The following SEMA6B variants were observed in gnomAD, a reference collection of about 807,000 sequenced individuals.
The protein encoded by SEMA6B is semaphorin-6B.
A neutral mutation model predicts 78.6 loss-of-function variants in SEMA6B; 47 were observed. That is an observed-to-expected ratio of 0.60 (90% CI 0.47 to 0.76). SEMA6B has a LOEUF of 0.76. Ranked by LOEUF, SEMA6B falls within the 30% of genes least tolerant of loss-of-function variation. The pLI is 0.00. For synonymous variants in SEMA6B, 632 were observed against 592.2 expected, an observed-to-expected ratio of 1.07 and a Z score of -0.98; for missense variants, 1,213 against 1,269.9, an observed-to-expected ratio of 0.96 and a Z score of 0.68.
Position 4,558,047 on chromosome 19 carries a change from C to G in SEMA6B, c.224G>C (p.Arg75Thr). 6.6e-7 allele frequency: 1 copy of G among 1,505,396 alleles called. No homozygotes were observed. Among genetic ancestry groups the G allele is most frequent in the Non-Finnish European group, 9.0e-7 (1 of 1,116,640 alleles). The allele number at this position is 1,505,396 out of a possible 1,614,324, so 93.3% of individuals were successfully genotyped here. The change falls in exon 3 of 17, where the codon AGG becomes ACG. Residue 75 changes from arginine to threonine, a missense_variant. Physicochemically the swap from Arg to Thr is moderately conservative, Grantham distance 71. Transcript: ENST00000586582. The surrounding 1 kb of genome is among the most constrained non-coding windows in gnomAD (Gnocchi z 5.1). Reference protein sequence around the residue: ...LNIQRVLRVNRTLFIGDRDNL... With the variant: ...LNIQRVLRVNTTLFIGDRDNL... ...ATACCTGTCCCCAATGAACAGCGTC[C>G]TGTTGACCCGCAGGACTCGCTGGAT...
rs1268443757 is a variant in SEMA6B, at chr19:4,558,401, TAGC to T, written c.54_56del (p.Leu20del). Reference sequence around the variant, plus strand: ...GAAAGAGGCCGTGGGCGCCCCCCAGTAGCAGCAGCAGAAGCAGCAGGGCCGGGC... The same window carrying T: ...GAAAGAGGCCGTGGGCGCCCCCCAGTAGCAGCAGAAGCAGCAGGGCCGGGC... On this transcript the variant is annotated inframe_deletion, in exon 2 of 17. Transcript: ENST00000586582. This position sits in a 1 kb window ranked among gnomAD's most constrained non-coding sequence, Gnocchi z 5.1. 7.9e-7 allele frequency: 1 copy of T among 1,271,912 alleles called. No individual in the cohort carries two copies. Among genetic ancestry groups the T allele is most frequent in the Non-Finnish European group, 1.0e-6 (1 of 1,001,192 alleles). The allele number at this position is 1,271,912 out of a possible 1,614,324, so 78.8% of individuals were successfully genotyped here. A position where few individuals can be genotyped will look rare whatever the true frequency, so the allele number is the denominator to read the frequency against.
Position 4,558,593 on chromosome 19 carries a change from TCA to T in SEMA6B, c.-32-106_-32-105del. The T allele has an allele frequency of 1.8e-6, 1 of 553,162 alleles. No homozygotes were observed. The highest frequency in any genetic ancestry group is 2.7e-6 in the Non-Finnish European group (1 of 368,232). 34.3% of individuals were successfully genotyped at this position (553,162 alleles called of 1,614,324 possible). On this transcript the variant is annotated intron_variant, in intron 1 of 16. Transcript: ENST00000586582. The surrounding 1 kb of genome is among the most constrained non-coding windows in gnomAD (Gnocchi z 5.1). ...CTCCTTCAAATCCCAGAAAAATTCC[TCA>T]CGGGGATAATAATTAATAAAAACAA...
Position 4,542,770 on chromosome 19 carries a change from G to C in SEMA6B, c.*831C>G. The stretch of plus-strand genomic sequence containing the variant: ...CCACCCTGGGGCCGTATTTACAGAG[G>C]GGCCCCACCCACCTTCGCCGCCCCC... On this transcript the variant is annotated 3_prime_UTR_variant, in exon 17 of 17. Transcript: ENST00000586582. 1 of 700,622 alleles carries C rather than the reference G, an allele frequency of 1.4e-6. No individual in the cohort carries two copies. Among genetic ancestry groups the C allele is most frequent in the Middle Eastern group, 2.5e-4 (1 of 4,044 alleles). The allele number at this position is 700,622 out of a possible 1,614,324, so 43.4% of individuals were successfully genotyped here. A position where few individuals can be genotyped will look rare whatever the true frequency, so the allele number is the denominator to read the frequency against.
At chr19:4,553,412 TA>T (rs1977384062) in intron 9 of SEMA6B, among the ~76,000 whole-genome samples, 3 of 136,718 alleles carry the variant, frequency 2.2e-5, no homozygotes, top group East Asian at 4.6e-4. Context: ...GATGGATGGA[TA>T]GGTGAGTTGG....
Position 4,543,617 on chromosome 19 carries a change from G to A in SEMA6B, c.2651C>T (p.Ala884Val). 2 of 1,233,972 alleles carry A rather than the reference G, an allele frequency of 1.6e-6. No homozygotes were observed. Among genetic ancestry groups the A allele is most frequent in the Non-Finnish European group, 2.0e-6 (2 of 988,402 alleles). 76.4% of individuals were successfully genotyped at this position (1,233,972 alleles called of 1,614,324 possible). ...GCCCCCGGCCTAGGGCACGGGGGGC[G>A]CAGTCCTGTCCGCCCCCCCATAGGG... ...LLPYGGADRT[A>V]PPVP is the part of the protein sequence containing the mutation. The change falls in exon 17 of 17, where the codon GCG becomes GTG. Residue 884 changes from alanine to valine, a missense_variant. Transcript: ENST00000586582.
chr19:4,544,900 G>C lies in SEMA6B; in HGVS notation c.1739-371C>G, dbSNP rs1977125666. 6.6e-6 allele frequency among the ~76,000 whole-genome samples: 1 copy of C among 151,932 alleles called. No individual in the cohort carries two copies. Among genetic ancestry groups the C allele is most frequent in the African/African-American group, 2.4e-5 (1 of 41,396 alleles). On this transcript the variant is annotated intron_variant, in intron 16 of 16. Coordinates refer to ENST00000586582, the MANE Select transcript of SEMA6B (RefSeq NM_032108.4). The surrounding 1 kb of genome is among the most constrained non-coding windows in gnomAD (Gnocchi z 5.1). ...GCCCACCTCTGCCTCCCAAAGTGCTGGGATTACAGGCATAAGCCACCACGA... is the reference window on the plus strand; with the variant it reads ...GCCCACCTCTGCCTCCCAAAGTGCTCGGATTACAGGCATAAGCCACCACGA...
At chr19:4,557,139 C>A in intron 4 of SEMA6B, 24 bp downstream of exon 4, 1 of 1,606,468 alleles carries the variant, frequency 6.2e-7, no homozygotes, top group Non-Finnish European at 8.5e-7. Context: ...TACCCCTCCA[C>A]TCCCACCTGC....
intron 10 of SEMA6B, among the ~76,000 whole-genome samples, chr19:4,551,344 C>T (rs1198668951): frequency 4.6e-5 from 7 of 151,542 alleles, no homozygotes; most frequent in African/African-American, 9.7e-5. Context: ...CTCAGTCTCC[C>T]GAGTAGCTGG....
intron 14 of SEMA6B, among the ~76,000 whole-genome samples, chr19:4,546,749 C>T (rs956905000): frequency 5.3e-5 from 8 of 150,942 alleles, no homozygotes; most frequent in Non-Finnish European, 7.4e-5. Flanking sequence ...CTCAGCCCCC[C>T]GAGTAGCTGG....
chr19:4,556,829 G>T (rs1293637891), intron 5 of SEMA6B, 122 bp downstream of exon 5: 13 of 875,838 alleles, frequency 1.5e-5, no homozygotes, highest in Non-Finnish European at 2.0e-5. Context: ...AGGGCTGATT[G>T]GGGGTGGGTT....
Position 4,554,974 on chromosome 19 carries a change from AC to A in SEMA6B, c.682+1del. ...TGGGCCCACTGCCCTTCCTGGTCTCACCTTTGAACCACTTGGAGTCATGTTT... is the reference window on the plus strand; with the variant it reads ...TGGGCCCACTGCCCTTCCTGGTCTCACTTTGAACCACTTGGAGTCATGTTT... On this transcript the variant is annotated splice_donor_variant, in intron 8 of 16. Coordinates refer to ENST00000586582, the MANE Select transcript of SEMA6B (RefSeq NM_032108.4). LOFTEE classifies it high-confidence loss of function. 6.2e-7 allele frequency: 1 copy of A among 1,612,964 alleles called. No individual in the cohort carries two copies. The highest frequency in any genetic ancestry group is 8.5e-7 in the Non-Finnish European group (1 of 1,179,436).
In SEMA6B at chr19:4,546,488, C is replaced by A; in HGVS notation, c.1602-19G>T. ...ACAGTTCCTAGAGCAGACCAGGGAC[C>A]GAATGGGACAAGTGTCCAAGTCACT... is the stretch of plus-strand genomic sequence containing the variant. On this transcript the variant is annotated intron_variant, in intron 14 of 16. Coordinates refer to ENST00000586582, the MANE Select transcript of SEMA6B (RefSeq NM_032108.4). The A allele has an allele frequency of 6.5e-7, 1 of 1,531,018 alleles. No individual in the cohort carries two copies. Among genetic ancestry groups the A allele is most frequent in the East Asian group, 2.5e-5 (1 of 40,756 alleles). The allele number at this position is 1,531,018 out of a possible 1,614,324, so 94.8% of individuals were successfully genotyped here. A position where few individuals can be genotyped will look rare whatever the true frequency, so the allele number is the denominator to read the frequency against.
chr19:4,543,374 T>TGGGGGGGGGCCC lies in SEMA6B; in HGVS notation c.*226_*227insGGGCCCCCCCCC. 2.8e-6 allele frequency: 1 copy of TGGGGGGGGGCCC among 363,590 alleles called. No homozygotes were observed. Among genetic ancestry groups the TGGGGGGGGGCCC allele is most frequent in the Non-Finnish European group, 4.8e-6 (1 of 208,176 alleles). The allele number at this position is 363,590 out of a possible 1,614,324, so 22.5% of individuals were successfully genotyped here. On this transcript the variant is annotated 3_prime_UTR_variant, in exon 17 of 17. Coordinates refer to ENST00000586582, the MANE Select transcript of SEMA6B (RefSeq NM_032108.4). ...CAACCTCAAATCCATAGCAAAGTCC[T>TGGGGGGGGGCCC]CCCGCCCACCCACCCCCAAACCGTC...
intron 3 of SEMA6B, among the ~76,000 whole-genome samples, 192 bp downstream of exon 3, chr19:4,557,834 C>G (rs1002078568): frequency 7.2e-5 from 11 of 152,050 alleles, no homozygotes; most frequent in Non-Finnish European, 1.2e-4. Context: ...GCACCTGAGT[C>G]AGGTCCAGTC....
At position 4,543,747 on chromosome 19, in the gene SEMA6B, C is replaced by T. The variant is rs2145341572; in HGVS notation, c.2521G>A (p.Ala841Thr). The T allele has an allele frequency of 8.2e-7, 1 of 1,226,818 alleles. No homozygotes were observed. Among genetic ancestry groups the T allele is most frequent in the Admixed American group, 4.3e-5 (1 of 23,498 alleles). The allele number at this position is 1,226,818 out of a possible 1,614,324, so 76.0% of individuals were successfully genotyped here. A position where few individuals can be genotyped will look rare whatever the true frequency, so the allele number is the denominator to read the frequency against. ...AACGTGTGGGTGCGGCGCAGGGTGG[C>T]GGCCGGAGGGGCGTGGGGGCCCAGT... ...RPLGPHAPPA[A>T]TLRRTHTFNS... Residue 841 changes from alanine (A) to threonine (T), a missense_variant, in exon 17 of 17, where the codon GCC becomes ACC. Physicochemically the swap from Ala to Thr is moderately conservative, Grantham distance 58. Coordinates refer to ENST00000586582, the MANE Select transcript of SEMA6B (RefSeq NM_032108.4).
intron 14 of SEMA6B, 141 bp downstream of exon 14, chr19:4,547,886 G>T: frequency 9.4e-7 from 1 of 1,061,246 alleles, no homozygotes; most frequent in Non-Finnish European, 1.3e-6. Flanking sequence ...GGTCCTGCCC[G>T]CGGGCCTTTG....
rs369804109 is a variant in SEMA6B at position 4,556,933 on chromosome 19, G to C, written c.369+18C>G. On this transcript the variant is annotated intron_variant, in intron 5 of 16. Transcript: ENST00000586582. ...GGGCTGATTCGCAGGGGCCGGGACC[G>C]AGCCAGGGCCAACTCACCTCCTGTT... 2.4e-5 allele frequency: 39 copies of C among 1,609,848 alleles called. No individual in the cohort carries two copies. The highest frequency in any genetic ancestry group is 3.1e-5 in the Non-Finnish European group (37 of 1,177,774).
At position 4,550,771 on chromosome 19, in the gene SEMA6B, T is replaced by A. The variant is rs369904798; in HGVS notation, c.1121+28A>T. 406 of 1,611,848 alleles carry A rather than the reference T, an allele frequency of 2.5e-4. No homozygotes were observed. The highest frequency in any genetic ancestry group is 3.3e-4 in the Non-Finnish European group (395 of 1,179,264). ...TGGGGATCAGGACCTCATCCGGGCA[T>A]GTGACTCAGGATGGAGGGGGTTCTC... On this transcript the variant is annotated intron_variant, in intron 11 of 16. Transcript: ENST00000586582. The surrounding 1 kb of genome is among the most constrained non-coding windows in gnomAD (Gnocchi z 6.6).
chr19:4,547,879 C>G, intron 14 of SEMA6B, 148 bp downstream of exon 14: 1 of 1,006,118 alleles, frequency 9.9e-7, no homozygotes, highest in Non-Finnish European at 1.4e-6. Context: ...CAGGAGTGGT[C>G]CTGCCCGCGG....
Sources: gnomAD v4.1 joint callset for allele counts (sites outside exome capture counted in the v4.1 genomes callset) on GRCh38, gnomAD v4.1.1 for gene constraint, Gnocchi (gnomAD v3.1) non-coding constraint, MANE v1.5 for transcripts, NCBI Gene and HGNC (gene_info 2026-07-23, HGNC 2026-07-21) for gene names.